The following SPAST variants were observed in gnomAD, a reference collection of about 807,000 sequenced individuals.
SPAST encodes spastic paraplegia 4 (autosomal dominant; spastin).
Under a neutral mutation model 76.6 loss-of-function variants are expected in SPAST, and 30 were observed. The observed-to-expected ratio is 0.39, with a 90% CI of 0.29 to 0.53. The LOEUF is 0.53. SPAST is among the 20% of genes least tolerant of loss of function. SPAST has a pLI of 0.68. For synonymous variants in SPAST, 305 were observed against 281.0 expected, an observed-to-expected ratio of 1.09 and a Z score of -0.86; for missense variants, 717 against 770.5, an observed-to-expected ratio of 0.93 and a Z score of 0.82.
At chr2:32,103,038 A>G (rs886745052) in intron 4 of SPAST, among the ~76,000 whole-genome samples, 3 of 152,210 alleles carry the variant, frequency 2.0e-5, no homozygotes, top group Non-Finnish European at 4.4e-5. Flanking sequence ...TTCAGAAGGA[A>G]TGGTACCAGC....
At position 32,155,512 on chromosome 2, in the gene SPAST, T is replaced by C. The variant is rs768852170; in HGVS notation, c.*1016T>C. The C allele has an allele frequency of 1.3e-5, 2 of 152,630 alleles. No homozygotes were observed. Among genetic ancestry groups the C allele is most frequent in the Middle Eastern group, 3.4e-3 (1 of 292 alleles). The allele number at this position is 152,630 out of a possible 1,614,324, so 9.5% of individuals were successfully genotyped here. On this transcript the variant is annotated 3_prime_UTR_variant, in exon 17 of 17. Transcript: ENST00000315285. The stretch of plus-strand genomic sequence containing the variant: ...ACCATCTTTTATTCTTAATAATTAT[T>C]AATCCCTTCAATGAAACTTTAAAAA...
chr2:32,087,675 CTTT>C, intron 2 of SPAST, 97 bp downstream of exon 2: 1 of 373,238 alleles, frequency 2.7e-6, no homozygotes, highest in African/African-American at 2.3e-5. Flanking sequence ...ATTTTTCTTT[CTTT>C]CTTTTCTTTT....
At chr2:32,149,308 A>T (rs1679999773) in intron 16 of SPAST, among the ~76,000 whole-genome samples, 1 of 137,958 alleles carries the variant, frequency 7.2e-6, no homozygotes, top group Non-Finnish European at 1.5e-5. Flanking sequence ...TATGTTGGCC[A>T]GGTGGGTCTC....
chr2:32,072,372 G>GCTATCTGA (rs1558612514), intron 1 of SPAST, among the ~76,000 whole-genome samples: 1 of 152,152 alleles, frequency 6.6e-6, no homozygotes, highest in Non-Finnish European at 1.5e-5. Flanking sequence ...TTCATGGCCT[G>GCTATCTGA]CTATCTGACG....
intron 1 of SPAST, among the ~76,000 whole-genome samples, chr2:32,084,363 A>G (rs958486623): frequency 6.7e-6 from 1 of 150,012 alleles, no homozygotes; most frequent in Non-Finnish European, 1.5e-5. Flanking sequence ...ACAGGGTTTC[A>G]CTGTGTTAGC....
At chr2:32,126,710 C>G (rs1679206110) in intron 7 of SPAST, 1 of 413,514 alleles carries the variant, frequency 2.4e-6, no homozygotes, top group African/African-American at 2.0e-5. Flanking sequence ...TGGTCTTGAA[C>G]TCTTGGGCTC....
Position 32,147,220 on chromosome 2 carries a change from C to T in SPAST, c.1690C>T (p.Leu564=), listed in dbSNP as rs766978197. 5.6e-6 allele frequency: 9 copies of T among 1,607,724 alleles called. No homozygotes were observed. In the South Asian group the frequency reaches 9.9e-5, roughly 18 times the overall value. The change falls in exon 16 of 17, where the codon CTA becomes TTA. Residue 564 remains leucine, a splice_region_variant and synonymous_variant. Transcript: ENST00000315285. The part of the protein sequence containing the change: ...KDAALGPIRE[L]KPEQVKNMSA... The stretch of plus-strand genomic sequence containing the variant: ...TGCCTGACTTTTATGTTTTACAGAA[C>T]TAAAACCAGAACAGGTGAAGAATAT...
intron 1 of SPAST, among the ~76,000 whole-genome samples, chr2:32,078,509 G>A (rs1677066954): frequency 6.6e-6 from 1 of 152,116 alleles, no homozygotes; most frequent in Non-Finnish European, 1.5e-5. Flanking sequence ...TATTAGCCCA[G>A]TGTAGTGGTG....
At chr2:32,127,145 G>C (rs1679222176) in intron 8 of SPAST, 123 bp downstream of exon 8, 1 of 745,618 alleles carries the variant, frequency 1.3e-6, no homozygotes, top group Non-Finnish European at 2.4e-6. Flanking sequence ...GTACACTTTT[G>C]TTTTTTTTGT....
At chr2:32,095,301 T>G (rs11124277) in intron 3 of SPAST, among the ~76,000 whole-genome samples, 63,581 of 151,984 alleles carry the variant, frequency 0.42, 13,594 homozygotes, top group East Asian at 0.64. Context: ...GCAGGATGGG[T>G]ATTAGAAATA....
chr2:32,106,380 A>G (rs1333777827), intron 4 of SPAST, among the ~76,000 whole-genome samples: 1 of 152,142 alleles, frequency 6.6e-6, no homozygotes, highest in African/African-American at 2.4e-5. Flanking sequence ...CTTGGCTAGG[A>G]GAGGGAATTC....
At chr2:32,094,310 C>G (rs1302213099) in intron 3 of SPAST, among the ~76,000 whole-genome samples, 1 of 151,976 alleles carries the variant, frequency 6.6e-6, no homozygotes, top group East Asian at 1.9e-4. Flanking sequence ...CCTCTGCCTC[C>G]CGGGTTCAAG....
intron 4 of SPAST, among the ~76,000 whole-genome samples, chr2:32,111,828 A>G (rs1314229269): frequency 6.6e-6 from 1 of 151,640 alleles, no homozygotes; most frequent in East Asian, 1.9e-4. Context: ...CTCATTTCCA[A>G]CAAACATTTG....
At position 32,115,835 on chromosome 2, in the gene SPAST, A is replaced by C; in HGVS notation, c.1004A>C (p.Asn335Thr). 1 of 1,606,430 alleles carries C rather than the reference A, an allele frequency of 6.2e-7. No individual in the cohort carries two copies. The highest frequency in any genetic ancestry group is 8.5e-7 in the Non-Finnish European group (1 of 1,175,404). Residue 335 changes from asparagine to threonine, a missense_variant and splice_region_variant, in exon 6 of 17, where the codon AAT becomes ACT. This residue lies in a region of SPAST where 543 missense variants were observed against 445.2 expected (regional missense o/e 1.22). Transcript: ENST00000315285. ...ANLIMNEIVD[N>T]GTAVKFDDIA... The stretch of plus-strand genomic sequence containing the variant: ...CTTATAATGAATGAAATTGTGGACA[A>C]GTAAGTTTTGCCATCTAAATGTTTT...
intron 4 of SPAST, among the ~76,000 whole-genome samples, chr2:32,107,651 G>A (rs1267744812): frequency 6.6e-6 from 1 of 152,170 alleles, no homozygotes; most frequent in Non-Finnish European, 1.5e-5. Context: ...GAACCAGTAA[G>A]TATAATGTAA....
chr2:32,075,894 C>CCTTTTT (rs1676942979), intron 1 of SPAST, among the ~76,000 whole-genome samples: 1 of 87,162 alleles, frequency 1.1e-5, no homozygotes, highest in East Asian at 4.4e-4. Context: ...ATTCAAAATG[C>CCTTTTT]TCTTTTTTTT....
At chr2:32,083,759 TATATATATATATATA>T (rs1677349277) in intron 1 of SPAST, among the ~76,000 whole-genome samples, 2 of 91,150 alleles carry the variant, frequency 2.2e-5, no homozygotes, top group African/African-American at 4.7e-5. Flanking sequence ...ACTATATATA[TATATATATATATATA>T]TATTTTTTTT....
At position 32,110,518 on chromosome 2, in the gene SPAST, T is replaced by A. The variant is rs974911902; in HGVS notation, c.683-4120T>A. ...ATATATAGTATATATAGTATATATA[T>A]ACTATATAGTGTGTATATATAGTAT... On this transcript the variant is annotated intron_variant, in intron 4 of 16. Transcript: ENST00000315285. Among the ~76,000 whole-genome samples, 7 of 52,892 alleles carry A rather than the reference T, an allele frequency of 1.3e-4. No homozygotes were observed. The South Asian group carries it at 5.9e-3, about 45-fold the overall frequency. The allele number at this position is 52,892 out of a possible 152,430, so 34.7% of individuals were successfully genotyped here.
intron 16 of SPAST, among the ~76,000 whole-genome samples, chr2:32,149,337 G>A (rs377472713): frequency 6.7e-6 from 1 of 149,622 alleles, no homozygotes; most frequent in South Asian, 2.1e-4. Flanking sequence ...GACCTCAGGC[G>A]ATCGCCAGCC....
Sources: allele counts gnomAD v4.1 joint callset (sites outside exome capture counted in the v4.1 genomes callset), GRCh38; gene constraint gnomAD v4.1.1; regional missense constraint gnomAD v4.1.1; transcripts MANE v1.5; gene names NCBI Gene and HGNC (gene_info 2026-07-23, HGNC 2026-07-21).